The following MYH11 variants were observed in gnomAD, a reference collection of about 807,000 sequenced individuals.
MYH11 encodes the protein myosin heavy chain 11, also known as myosin-11.
A neutral mutation model predicts 246.6 loss-of-function variants in MYH11; 80 were observed. The observed-to-expected ratio is 0.32, with a 90% CI of 0.27 to 0.39. The LOEUF (loss-of-function observed/expected upper bound fraction) is 0.39. Among genes scored for constraint, MYH11 ranks in the 10% least tolerant of loss-of-function variants. The pLI is 1.00. For synonymous variants in MYH11, 1,071 were observed against 1,015.5 expected (o/e 1.05, Z -1.04); for missense variants, 2,158 against 2,546.8 (o/e 0.85, Z 3.29).
chr16:15,712,624 G>A (rs546479672), intron 40 of MYH11, among the ~76,000 whole-genome samples: 50 of 152,194 alleles, frequency 3.3e-4, no homozygotes, highest in African/African-American at 1.1e-3. Flanking sequence ...ACCCTGGGGC[G>A]GTCTAGTGGC....
Position 15,741,818 on chromosome 16 carries a change from T to A in MYH11, c.2594A>T (p.Lys865Met), listed in dbSNP as rs1337742341. ...ATTCTCTGCCTTCTGCTGCCGCTCC[T>A]TGGTCTTCTGCAGTTCATCCTCCTT... The part of the protein sequence containing the change: ...QAKEDELQKT[K>M]ERQQKAENEL... Residue 865 changes from lysine to methionine, a missense_variant, in exon 21 of 41, where the codon AAG becomes ATG. This residue lies in a region of MYH11 where 90 missense variants were observed against 144.2 expected (regional missense o/e 0.62). Coordinates refer to ENST00000300036, the MANE Select transcript of MYH11 (RefSeq NM_002474.3). 10 of 1,614,246 alleles carry A rather than the reference T, an allele frequency of 6.2e-6. No individual in the cohort carries two copies. The highest frequency in any genetic ancestry group is 7.6e-6 in the Non-Finnish European group (9 of 1,180,046).
chr16:15,720,095 C>G, intron 34 of MYH11, 56 bp downstream of exon 34: 2 of 1,611,772 alleles, frequency 1.2e-6, no homozygotes, highest in Non-Finnish European at 1.7e-6. Context: ...CTTCGGTGGC[C>G]TGAGGGGAAC....
At chr16:15,850,759 G>A (rs1446061448) in intron 1 of MYH11, among the ~76,000 whole-genome samples, 1 of 152,090 alleles carries the variant, frequency 6.6e-6, no homozygotes, top group African/African-American at 2.4e-5. Context: ...GCCAGGCATG[G>A]CAGCACATGC....
chr16:15,715,347 G>T, intron 38 of MYH11, 75 bp from the exon 39 acceptor site: 1 of 1,422,984 alleles, frequency 7.0e-7, no homozygotes. Flanking sequence ...ACCTGGAGGT[G>T]GCATCTTGAG....
At chr16:15,770,260 A>G (rs932153834) in intron 9 of MYH11, among the ~76,000 whole-genome samples, 1 of 152,122 alleles carries the variant, frequency 6.6e-6, no homozygotes, top group South Asian at 2.1e-4. Context: ...CCAGACCCCA[A>G]GTTATCTTCG....
chr16:15,703,422 A>C lies in MYH11; in HGVS notation c.*569T>G, dbSNP rs1337370445. ...GGTGACTTTCTCCCCATTTCATGTA[A>C]ACAGAATTGCCAGGGACCGGTTACC... On this transcript the variant is annotated 3_prime_UTR_variant, in exon 41 of 41. Coordinates refer to ENST00000300036, the MANE Select transcript of MYH11 (RefSeq NM_002474.3). 3 of 238,674 alleles carry C rather than the reference A, an allele frequency of 1.3e-5. No individual in the cohort carries two copies. The highest frequency in any genetic ancestry group is 6.6e-5 in the African/African-American group (3 of 45,286). 14.8% of individuals were successfully genotyped at this position (238,674 alleles called of 1,614,324 possible). A position where few individuals can be genotyped will look rare whatever the true frequency, so the allele number is the denominator to read the frequency against.
chr16:15,732,969 T>C, intron 26 of MYH11: 1 of 566,100 alleles, frequency 1.8e-6, no homozygotes, highest in Non-Finnish European at 3.2e-6. Context: ...ATTGAAAGGA[T>C]GTCTGTGAAC....
In MYH11 at chr16:15,798,615, A is replaced by C. The variant is rs1424262241; in HGVS notation, c.530+45T>G. On this transcript the variant is annotated intron_variant, in intron 4 of 40. Coordinates refer to ENST00000300036, the MANE Select transcript of MYH11 (RefSeq NM_002474.3). ...TGGATCTCGACTACAGATTAAAAAA[A>C]AAAAAAAACAAAAAAAAAACAGAAG... The C allele has an allele frequency of 5.9e-6, 9 of 1,533,910 alleles. No homozygotes were observed. The East Asian group carries it at 9.1e-5, about 15-fold the overall frequency.
intron 27 of MYH11, among the ~76,000 whole-genome samples, chr16:15,727,560 G>A (rs951484477): frequency 4.6e-5 from 7 of 152,140 alleles, no homozygotes; most frequent in Admixed American, 2.0e-4. Context: ...CCCACAAGCG[G>A]TATCCAACCT....
At chr16:15,786,873 C>T (rs949978564) in intron 4 of MYH11, 141 bp from the exon 5 acceptor site, 3 of 809,966 alleles carry the variant, frequency 3.7e-6, no homozygotes, top group African/African-American at 1.7e-5. Context: ...AAGTAACTTG[C>T]CCAAGGCCAC....
intron 40 of MYH11, among the ~76,000 whole-genome samples, chr16:15,708,303 C>G (rs573430826): frequency 6.6e-5 from 10 of 152,292 alleles, no homozygotes; most frequent in Admixed American, 5.9e-4. Flanking sequence ...CCGCAGTTAC[C>G]GTGAACTTTG....
chr16:15,822,001 T>C (rs7192541), intron 3 of MYH11, among the ~76,000 whole-genome samples: 42,130 of 151,902 alleles, frequency 0.28, 6,106 homozygotes, highest in African/African-American at 0.36. Flanking sequence ...CAAGATTGCC[T>C]TTGCAAGGCT....
At chr16:15,776,014 C>T in intron 8 of MYH11, 64 bp downstream of exon 8, 1 of 1,214,228 alleles carries the variant, frequency 8.2e-7, no homozygotes, top group Non-Finnish European at 1.2e-6. Context: ...AATCCCTTAA[C>T]CCCGGATTCT....
intron 40 of MYH11, among the ~76,000 whole-genome samples, chr16:15,708,213 T>C (rs1395653344): frequency 6.6e-6 from 1 of 152,128 alleles, no homozygotes; most frequent in Non-Finnish European, 1.5e-5. Context: ...GCCCCCGGCA[T>C]TTGTCAGACA....
rs757898337 is a variant in MYH11, at chr16:15,786,612, T to C, written c.633+18A>G. 4 of 1,610,904 alleles carry C rather than the reference T, an allele frequency of 2.5e-6. No homozygotes were observed. The highest frequency in any genetic ancestry group is 2.7e-5 in the African/African-American group (2 of 74,942). On this transcript the variant is annotated intron_variant, in intron 5 of 40. Coordinates refer to ENST00000300036, the MANE Select transcript of MYH11 (RefSeq NM_002474.3). Reference sequence around the variant, plus strand: ...CGGTTGGCTAAATCATGGCCTCTGATTGGGAACTGCCACTCACCGTGATAC... The same window carrying C: ...CGGTTGGCTAAATCATGGCCTCTGACTGGGAACTGCCACTCACCGTGATAC...
chr16:15,745,285 G>T (rs761840512), intron 19 of MYH11, 48 bp from the exon 20 acceptor site: 4 of 1,342,078 alleles, frequency 3.0e-6, no homozygotes, highest in Non-Finnish European at 4.3e-6. Flanking sequence ...GCCACACCCT[G>T]CTGTCAACAG....
intron 2 of MYH11, among the ~76,000 whole-genome samples, chr16:15,833,325 G>T (rs1371057973): frequency 1.4e-5 from 2 of 141,938 alleles, no homozygotes; most frequent in Admixed American, 1.5e-4. Flanking sequence ...AAAGAAGAAA[G>T]AAAAAAGAAG....
At chr16:15,763,741 T>TCGGCCCCCCCCCCCCCCCCCCC in intron 10 of MYH11, 55 bp downstream of exon 10, 1 of 646,862 alleles carries the variant, frequency 1.5e-6, no homozygotes, top group Non-Finnish European at 2.9e-6. Flanking sequence ...AAATGTCACC[T>TCGGCCCCCCCCCCCCCCCCCCC]CCCCCACCCC....
chr16:15,786,069 G>A (rs1394972772), intron 5 of MYH11: 1 of 260,374 alleles, frequency 3.8e-6, no homozygotes, highest in East Asian at 9.4e-5. Flanking sequence ...GGGACAGGGG[G>A]ACACGTGGAG....
Sources: allele counts gnomAD v4.1 joint callset (sites outside exome capture counted in the v4.1 genomes callset), GRCh38; gene constraint gnomAD v4.1.1; regional missense constraint gnomAD v4.1.1; transcripts MANE v1.5; gene names NCBI Gene and HGNC (gene_info 2026-07-23, HGNC 2026-07-21).